Variants in CNTN3 observed in about 807,000 individuals in gnomAD.
CNTN3 encodes the protein contactin-3.
CNTN3 carries 60 observed loss-of-function variants against 119.1 expected under a neutral mutation model. The observed-to-expected ratio is 0.50, with a 90% CI of 0.41 to 0.62. The LOEUF (loss-of-function observed/expected upper bound fraction) is 0.62. CNTN3 is among the 20% of genes least tolerant of loss of function. The pLI is 0.00. For synonymous variants in CNTN3, 450 were observed against 438.7 expected, an observed-to-expected ratio of 1.03 and a Z score of -0.32; for missense variants, 1,101 against 1,242.4, an observed-to-expected ratio of 0.89 and a Z score of 1.71.
intron 8 of CNTN3, 108 bp from the exon 9 acceptor site, chr3:74,365,810 T>C: frequency 8.1e-7 from 1 of 1,241,270 alleles, no homozygotes; most frequent in East Asian, 2.5e-5. Context: ...GACATGATAA[T>C]GAGTAACAGA....
chr3:74,504,699 C>T (rs906341549), intron 2 of CNTN3, among the ~76,000 whole-genome samples: 2 of 152,132 alleles, frequency 1.3e-5, no homozygotes, highest in African/African-American at 2.4e-5. Context: ...CAATAGCTAT[C>T]ACCGGCCCTT....
chr3:74,389,578 T>C (rs1247107806), intron 5 of CNTN3, among the ~76,000 whole-genome samples: 1 of 152,182 alleles, frequency 6.6e-6, no homozygotes, highest in African/African-American at 2.4e-5. Context: ...GTGTCATGTG[T>C]TATCTTACTG....
intron 3 of CNTN3, among the ~76,000 whole-genome samples, chr3:74,487,958 T>C (rs1467116550): frequency 6.7e-6 from 1 of 149,502 alleles, no homozygotes; most frequent in Non-Finnish European, 1.5e-5. Flanking sequence ...TACATTATAA[T>C]GTATAATACA....
At chr3:74,587,261 T>A (rs541376975) in intron 1 of CNTN3, among the ~76,000 whole-genome samples, 1 of 152,146 alleles carries the variant, frequency 6.6e-6, no homozygotes, top group South Asian at 2.1e-4. Context: ...TTTACAAATG[T>A]CATTGTTTTC....
At chr3:74,391,385 C>T (rs1036898776) in intron 5 of CNTN3, among the ~76,000 whole-genome samples, 4 of 152,062 alleles carry the variant, frequency 2.6e-5, no homozygotes. Flanking sequence ...ATTACATGAC[C>T]TTGAGCAAGC....
intron 5 of CNTN3, among the ~76,000 whole-genome samples, chr3:74,381,777 T>A (rs536355720): frequency 6.6e-6 from 1 of 152,316 alleles, no homozygotes; most frequent in African/African-American, 2.4e-5. Flanking sequence ...CTTTATGCAA[T>A]TTTAATAATT....
At position 74,419,311 on chromosome 3, in the gene CNTN3, A is replaced by T. The variant is rs1012549196; in HGVS notation, c.454+5534T>A. Among the ~76,000 whole-genome samples, 75 of 151,538 alleles carry T rather than the reference A, an allele frequency of 4.9e-4. 1 individual carries two copies. Among genetic ancestry groups the T allele is most frequent in the African/African-American group, 1.7e-3 (69 of 41,120 alleles). ...TGGACAAGTCTTCCTAGAGATGAAAACTCCTATTCAGTGCGTTTTCTTCAG... is the reference window on the plus strand; with the variant it reads ...TGGACAAGTCTTCCTAGAGATGAAATCTCCTATTCAGTGCGTTTTCTTCAG... On this transcript the variant is annotated intron_variant, in intron 5 of 22. Coordinates refer to ENST00000263665, the MANE Select transcript of CNTN3 (RefSeq NM_020872.3).
chr3:74,272,625 T>C lies in CNTN3; in HGVS notation c.2705-5247A>G, dbSNP rs1431278422. ...CATATACAAACATGATTAGATCACA[T>C]GCACTGGGGGATGTGATGCACAGAA... On this transcript the variant is annotated intron_variant, in intron 20 of 22. Transcript: ENST00000263665. Among the ~76,000 whole-genome samples the C allele has an allele frequency of 5.9e-5, 9 of 152,312 alleles. No individual in the cohort carries two copies. In the South Asian group the frequency reaches 8.3e-4, roughly 14 times the overall value.
At chr3:74,382,760 A>G (rs770464066) in intron 5 of CNTN3, among the ~76,000 whole-genome samples, 1 of 152,224 alleles carries the variant, frequency 6.6e-6, no homozygotes, top group Non-Finnish European at 1.5e-5. Flanking sequence ...TTCTTTATCC[A>G]TTCACCAATT....
intron 11 of CNTN3, among the ~76,000 whole-genome samples, chr3:74,353,915 C>T (rs1202421180): frequency 6.6e-6 from 1 of 152,008 alleles, no homozygotes; most frequent in African/African-American, 2.4e-5. Flanking sequence ...TCCCTCACCC[C>T]AAAAATCCTT....
intron 1 of CNTN3, among the ~76,000 whole-genome samples, chr3:74,531,049 C>T (rs1331555967): frequency 1.3e-5 from 2 of 151,894 alleles, no homozygotes; most frequent in South Asian, 2.1e-4. Flanking sequence ...ATTGGAATTA[C>T]CGAGTTAGGA....
In CNTN3 at chr3:74,279,570, G is replaced by A. The variant is rs137873607; in HGVS notation, c.2704+5735C>T. ...AAACCAAACATCGTATGTTCTCATT[G>A]ATATGTGGGAGCTAGCTATGAGGAC... On this transcript the variant is annotated intron_variant, in intron 20 of 22. Transcript: ENST00000263665. Among the ~76,000 whole-genome samples the A allele has an allele frequency of 4.6e-5, 7 of 152,008 alleles. No individual in the cohort carries two copies. In the East Asian group the frequency reaches 1.4e-3, roughly 30 times the overall value.
At chr3:74,569,807 A>G (rs114677966) in intron 1 of CNTN3, among the ~76,000 whole-genome samples, 1 of 152,172 alleles carries the variant, frequency 6.6e-6, no homozygotes, top group African/African-American at 2.4e-5. Flanking sequence ...TGGGGCTGAG[A>G]TCTCCCCTGA....
At chr3:74,437,407 A>G (rs1355428257) in intron 4 of CNTN3, among the ~76,000 whole-genome samples, 1 of 152,104 alleles carries the variant, frequency 6.6e-6, no homozygotes, top group African/African-American at 2.4e-5. Flanking sequence ...GCTTGCAGTG[A>G]GCCGAGATCG....
chr3:74,492,733 C>T (rs1022495426), intron 3 of CNTN3, among the ~76,000 whole-genome samples: 1 of 152,134 alleles, frequency 6.6e-6, no homozygotes, highest in Admixed American at 6.6e-5. Context: ...AAAGAACAAA[C>T]TATGTTTGAG....
chr3:74,586,201 C>A (rs1279042050), intron 1 of CNTN3, among the ~76,000 whole-genome samples: 1 of 152,060 alleles, frequency 6.6e-6, no homozygotes, highest in Admixed American at 6.6e-5. Context: ...GATTCCAAAT[C>A]TGAGAAAACC....
intron 1 of CNTN3, among the ~76,000 whole-genome samples, chr3:74,555,845 T>C (rs1704060999): frequency 6.6e-6 from 1 of 152,134 alleles, no homozygotes; most frequent in African/African-American, 2.4e-5. Flanking sequence ...TTTGTTGATC[T>C]TTTCAAAAAA....
intron 4 of CNTN3, among the ~76,000 whole-genome samples, chr3:74,477,769 C>T (rs914879996): frequency 1.3e-5 from 2 of 151,996 alleles, no homozygotes; most frequent in Non-Finnish European, 2.9e-5. Context: ...GATTATTACA[C>T]ATTGTATGTC....
intron 1 of CNTN3, among the ~76,000 whole-genome samples, chr3:74,538,893 G>A (rs1466242117): frequency 6.6e-6 from 1 of 151,922 alleles, no homozygotes; most frequent in East Asian, 1.9e-4. Context: ...GGTGTACACA[G>A]CTCAGCTGTG....
Sources: allele counts gnomAD v4.1 joint callset (sites outside exome capture counted in the v4.1 genomes callset), GRCh38; gene constraint gnomAD v4.1.1; transcripts MANE v1.5; gene names NCBI Gene and HGNC (gene_info 2026-07-23, HGNC 2026-07-21).